SLC25A21: variants seen among roughly 807,000 people sequenced by gnomAD.
SLC25A21 encodes the protein solute carrier family 25 member 21.
A neutral mutation model predicts 43.8 loss-of-function variants in SLC25A21; 47 were observed. That is an observed-to-expected ratio of 1.07 (90% CI 0.85 to 1.37). The LOEUF is 1.37. Ranked by LOEUF, SLC25A21 falls within the 40% of genes most tolerant of loss-of-function variation. The pLI is 0.00. For missense variants in SLC25A21, 352 were observed against 350.2 expected, an observed-to-expected ratio of 1.00 and a Z score of -0.04; for synonymous variants, 131 against 121.3, an observed-to-expected ratio of 1.08 and a Z score of -0.52.
intron 1 of SLC25A21, among the ~76,000 whole-genome samples, chr14:37,036,058 T>A (rs1399516876): frequency 6.6e-6 from 1 of 152,180 alleles, no homozygotes; most frequent in Non-Finnish European, 1.5e-5. Flanking sequence ...AATTGAGAAT[T>A]TTTATGGCTT....
chr14:36,742,688 T>C (rs1452800318), intron 3 of SLC25A21, among the ~76,000 whole-genome samples: 1 of 152,164 alleles, frequency 6.6e-6, no homozygotes, highest in African/African-American at 2.4e-5. Flanking sequence ...CAAATAAATT[T>C]CAAGGAAGTG....
chr14:36,788,420 C>T (rs373657476), intron 3 of SLC25A21, among the ~76,000 whole-genome samples: 30 of 151,468 alleles, frequency 2.0e-4, no homozygotes, highest in African/African-American at 7.3e-4. Flanking sequence ...GCCAACAATT[C>T]TCAACAAAGA....
intron 3 of SLC25A21, among the ~76,000 whole-genome samples, chr14:36,792,465 A>C (rs1887520997): frequency 6.6e-6 from 1 of 152,174 alleles, no homozygotes; most frequent in Non-Finnish European, 1.5e-5. Context: ...CCCACAGTCA[A>C]GAGCTGTAAC....
intron 3 of SLC25A21, among the ~76,000 whole-genome samples, chr14:36,737,111 T>C (rs1203418928): frequency 6.6e-6 from 1 of 152,218 alleles, no homozygotes; most frequent in Non-Finnish European, 1.5e-5. Flanking sequence ...CCTCAGATTC[T>C]GTTATTCTGA....
chr14:37,056,452 C>G (rs1961830541), intron 1 of SLC25A21, among the ~76,000 whole-genome samples: 1 of 150,146 alleles, frequency 6.7e-6, no homozygotes, highest in Admixed American at 6.7e-5. Context: ...GATCGCGCCA[C>G]TGCACTCCAG....
chr14:36,753,721 T>C (rs914932834), intron 3 of SLC25A21, among the ~76,000 whole-genome samples: 27 of 152,192 alleles, frequency 1.8e-4, no homozygotes, highest in Non-Finnish European at 8.8e-5. Flanking sequence ...CCAATATTTA[T>C]AGAATTTCAG....
At chr14:36,974,657 A>G (rs1405741168) in intron 1 of SLC25A21, among the ~76,000 whole-genome samples, 2 of 152,208 alleles carry the variant, frequency 1.3e-5, no homozygotes, top group African/African-American at 4.8e-5. Flanking sequence ...GGCATCTTTG[A>G]TAATTACTAT....
Position 36,759,299 on chromosome 14 carries a change from C to T in SLC25A21, c.204-24726G>A, listed in dbSNP as rs2253012. On this transcript the variant is annotated intron_variant, in intron 3 of 9. Transcript: ENST00000331299. ...CGTCTTTTGTGTGAAAGTAAGGTTGCCATCTAAATCTAGGAAAAGCAATCT... is the reference window on the plus strand; with the variant it reads ...CGTCTTTTGTGTGAAAGTAAGGTTGTCATCTAAATCTAGGAAAAGCAATCT... 0.42 allele frequency among the ~76,000 whole-genome samples: 63,774 copies of T among 152,018 alleles called. 13,901 individuals are homozygous for T. Among genetic ancestry groups the T allele is most frequent in the African/African-American group, 0.47 (19,559 of 41,432 alleles).
intron 1 of SLC25A21, among the ~76,000 whole-genome samples, chr14:37,105,407 TGTG>T (rs1395159611): frequency 6.6e-6 from 1 of 152,102 alleles, no homozygotes; most frequent in Non-Finnish European, 1.5e-5. Context: ...GCTAAGAAAA[TGTG>T]GTGTCTAATC....
At chr14:37,038,354 C>T (rs1354697874) in intron 1 of SLC25A21, among the ~76,000 whole-genome samples, 1 of 152,148 alleles carries the variant, frequency 6.6e-6, no homozygotes, top group Non-Finnish European at 1.5e-5. Flanking sequence ...AAAAATTTGT[C>T]TTTCTGCCTC....
At position 36,680,127 on chromosome 14, in the gene SLC25A21, A is replaced by G; in HGVS notation, c.*531T>C. 1.1e-6 allele frequency: 1 copy of G among 875,592 alleles called. No homozygotes were observed. Among genetic ancestry groups the G allele is most frequent in the Non-Finnish European group, 1.4e-6 (1 of 731,000 alleles). The allele number at this position is 875,592 out of a possible 1,614,324, so 54.2% of individuals were successfully genotyped here. On this transcript the variant is annotated 3_prime_UTR_variant, in exon 10 of 10. Transcript: ENST00000331299. ...AGTATTCATAAAATTAAACATTCTT[A>G]AAAGGTCATTTTAGTGCACTTTAAA...
At chr14:36,846,336 A>G (rs1199754934) in intron 2 of SLC25A21, among the ~76,000 whole-genome samples, 2 of 152,188 alleles carry the variant, frequency 1.3e-5, no homozygotes, top group African/African-American at 4.8e-5. Flanking sequence ...TGAAAAAAAT[A>G]AATGCTTAGA....
intron 1 of SLC25A21, among the ~76,000 whole-genome samples, chr14:37,042,550 A>G (rs1413104614): frequency 6.6e-6 from 1 of 152,232 alleles, no homozygotes; most frequent in Non-Finnish European, 1.5e-5. Flanking sequence ...CTTTAGATAT[A>G]ACTTGATTTA....
At chr14:36,750,768 G>A (rs1288342676) in intron 3 of SLC25A21, among the ~76,000 whole-genome samples, 1 of 152,158 alleles carries the variant, frequency 6.6e-6, no homozygotes, top group African/African-American at 2.4e-5. Flanking sequence ...CTCTTACCCA[G>A]ATGACTATCT....
intron 3 of SLC25A21, among the ~76,000 whole-genome samples, chr14:36,756,935 T>C (rs966584540): frequency 2.6e-5 from 4 of 152,148 alleles, no homozygotes; most frequent in African/African-American, 9.7e-5. Context: ...CCAATTCTCA[T>C]AGACCAATAC....
intron 1 of SLC25A21, among the ~76,000 whole-genome samples, chr14:36,912,674 T>C (rs1891724666): frequency 6.6e-6 from 1 of 152,224 alleles, no homozygotes; most frequent in Non-Finnish European, 1.5e-5. Context: ...ATAAAGTTCT[T>C]TCACGTGGGT....
At chr14:36,718,759 A>T (rs548325352) in intron 6 of SLC25A21, among the ~76,000 whole-genome samples, 2 of 152,290 alleles carry the variant, frequency 1.3e-5, no homozygotes, top group South Asian at 2.1e-4. Context: ...CTAATTTTTT[A>T]AAAAATCCCT....
intron 3 of SLC25A21, among the ~76,000 whole-genome samples, chr14:36,743,061 A>G (rs2139243990): frequency 6.6e-6 from 1 of 152,330 alleles, no homozygotes; most frequent in Middle Eastern, 3.4e-3. Flanking sequence ...AGGTAAGTCC[A>G]TGGCTCCATT....
At chr14:36,804,226 T>A (rs1887962797) in intron 3 of SLC25A21, among the ~76,000 whole-genome samples, 1 of 152,200 alleles carries the variant, frequency 6.6e-6, no homozygotes, top group South Asian at 2.1e-4. Flanking sequence ...ATCCCTTTCC[T>A]TCTTCCCTAG....
Sources: gnomAD v4.1 joint callset for allele counts (sites outside exome capture counted in the v4.1 genomes callset) on GRCh38, gnomAD v4.1.1 for gene constraint, MANE v1.5 for transcripts, NCBI Gene and HGNC (gene_info 2026-07-23, HGNC 2026-07-21) for gene names.